KANSL1L: variants seen among roughly 807,000 people sequenced by gnomAD.
KANSL1L encodes KAT8 regulatory NSL complex subunit 1-like protein.
A neutral mutation model predicts 108.6 loss-of-function variants in KANSL1L; 25 were observed. That is an observed-to-expected ratio of 0.23 (90% CI 0.17 to 0.32). The LOEUF (loss-of-function observed/expected upper bound fraction) is 0.32. Ranked by LOEUF, KANSL1L falls within the 10% of genes least tolerant of loss-of-function variation. The pLI is 1.00. For synonymous variants in KANSL1L, 405 were observed against 395.1 expected, an observed-to-expected ratio of 1.03 and a Z score of -0.30; for missense variants, 1,137 against 1,125.7, an observed-to-expected ratio of 1.01 and a Z score of -0.14.
In KANSL1L at chr2:210,153,513, A is replaced by C. The variant is rs763465430; in HGVS notation, c.1070T>G (p.Leu357Arg). 6.2e-6 allele frequency: 10 copies of C among 1,613,596 alleles called. No homozygotes were observed. The highest frequency in any genetic ancestry group is 8.5e-6 in the Non-Finnish European group (10 of 1,179,880). ...CACTTACACTGCCACATTTTTTCTA[A>C]GGGTATATTCATCCAAATCGTCATC... is the stretch of plus-strand genomic sequence containing the variant. ...SSDDDLDEYT[L>R]RKNVAVNCST... The change falls in exon 2 of 15, where the codon CTT becomes CGT. Residue 357 changes from leucine (L) to arginine (R), a missense_variant. By Grantham distance (102) the Leu-to-Arg change is moderately radical. Around this residue, in one of 3 missense-constraint regions of KANSL1L, gnomAD observed 556 missense variants for 537.7 expected, o/e 1.03. Transcript: ENST00000281772.
intron 3 of KANSL1L, among the ~76,000 whole-genome samples, chr2:210,112,094 T>C (rs1436908716): frequency 6.6e-6 from 1 of 152,176 alleles, no homozygotes; most frequent in East Asian, 1.9e-4. Flanking sequence ...TAGTATTCCA[T>C]GGTGTATATG....
At chr2:210,108,601 T>C (rs2094873858) in intron 3 of KANSL1L, among the ~76,000 whole-genome samples, 1 of 152,218 alleles carries the variant, frequency 6.6e-6, no homozygotes, top group Non-Finnish European at 1.5e-5. Flanking sequence ...TGACTCATTC[T>C]TAGAACTCTA....
At chr2:210,154,706 G>T in intron 1 of KANSL1L, 95 bp from the exon 2 acceptor site, 1 of 596,144 alleles carries the variant, frequency 1.7e-6, no homozygotes, top group Non-Finnish European at 2.6e-6. Flanking sequence ...TTTCTGATTA[G>T]AACATGAAGG....
In KANSL1L at chr2:210,024,206, C is replaced by A; in HGVS notation, c.2565-5G>T. The A allele has an allele frequency of 6.5e-7, 1 of 1,547,306 alleles. No homozygotes were observed. Among genetic ancestry groups the A allele is most frequent in the Non-Finnish European group, 8.7e-7 (1 of 1,147,904 alleles). The stretch of plus-strand genomic sequence containing the variant: ...TCAACATTTTTACTGTAAGCTCTAG[C>A]AAGAAAATCAGGAAAACACAATTAT... On this transcript the variant is annotated splice_region_variant and splice_polypyrimidine_tract_variant and intron_variant, in intron 13 of 14. Transcript: ENST00000281772.
intron 14 of KANSL1L, 96 bp from the exon 15 acceptor site, chr2:210,023,275 G>A (rs986258237): frequency 6.0e-6 from 5 of 829,906 alleles, no homozygotes; most frequent in Middle Eastern, 2.3e-4. Context: ...TGTAATAATT[G>A]TTCTGTTCTT....
chr2:210,102,618 G>A (rs1057366479), intron 4 of KANSL1L, among the ~76,000 whole-genome samples: 8 of 151,774 alleles, frequency 5.3e-5, no homozygotes, highest in Admixed American at 2.6e-4. Flanking sequence ...ACAAATTTAC[G>A]AGAAAAAAAC....
intron 4 of KANSL1L, among the ~76,000 whole-genome samples, chr2:210,101,016 A>T (rs1575530122): frequency 6.6e-6 from 1 of 152,368 alleles, no homozygotes; most frequent in South Asian, 2.1e-4. Context: ...AGAACAAATG[A>T]CTTGTTCATA....
intron 11 of KANSL1L, chr2:210,028,643 T>G (rs2093971782): frequency 2.3e-6 from 1 of 442,166 alleles, no homozygotes; most frequent in Admixed American, 4.3e-5. Flanking sequence ...AATTCCTAAA[T>G]CTTAATAAAA....
chr2:210,068,423 A>G (rs1445253251), intron 6 of KANSL1L, among the ~76,000 whole-genome samples: 1 of 152,102 alleles, frequency 6.6e-6, no homozygotes, highest in Non-Finnish European at 1.5e-5. Context: ...TATTGTCTTA[A>G]TGCTGTCTTT....
rs75403459 is a variant in KANSL1L at position 210,119,182 on chromosome 2, C to T, written c.1230+9849G>A. 7.9e-3 allele frequency among the ~76,000 whole-genome samples: 1,165 copies of T among 148,058 alleles called. 17 individuals carry two copies. Among genetic ancestry groups the T allele is most frequent in the African/African-American group, 0.027 (1,088 of 40,116 alleles). The stretch of plus-strand genomic sequence containing the variant: ...CTGGTGACAGAGCGAGGCTCCGTCT[C>T]GAAAAAAAAGAAAAAAAAGAAAAAA... On this transcript the variant is annotated intron_variant, in intron 3 of 14. Coordinates refer to ENST00000281772, the MANE Select transcript of KANSL1L (RefSeq NM_152519.4).
At position 210,171,295 on chromosome 2, in the gene KANSL1L, G is replaced by GGCCGCCGCCGCCGCCGCC. The variant is rs66917529; in HGVS notation, c.-194_-177dup. ...CCAGAGCGCGCCCCGCTCCCGCCCC[G>GGCCGCCGCCGCCGCCGCC]GCCGCCGCCGCCGCCGCCGCCGCCG... On this transcript the variant is annotated 5_prime_UTR_variant, in exon 1 of 15. Coordinates refer to ENST00000281772, the MANE Select transcript of KANSL1L (RefSeq NM_152519.4). 4.8e-5 allele frequency: 8 copies of GGCCGCCGCCGCCGCCGCC among 168,070 alleles called. No homozygotes were observed. Among genetic ancestry groups the GGCCGCCGCCGCCGCCGCC allele is most frequent in the African/African-American group, 1.7e-4 (7 of 40,884 alleles). 10.4% of individuals were successfully genotyped at this position (168,070 alleles called of 1,614,324 possible).
chr2:210,110,833 T>C (rs981164952), intron 3 of KANSL1L, among the ~76,000 whole-genome samples: 4 of 152,144 alleles, frequency 2.6e-5, no homozygotes, highest in African/African-American at 9.7e-5. Flanking sequence ...TGCAGTGGCT[T>C]ATACCTGTAA....
At chr2:210,112,786 A>G (rs1242762628) in intron 3 of KANSL1L, among the ~76,000 whole-genome samples, 2 of 152,172 alleles carry the variant, frequency 1.3e-5, no homozygotes, top group African/African-American at 4.8e-5. Context: ...GGAATCTGTC[A>G]CCCCACCTAG....
intron 8 of KANSL1L, among the ~76,000 whole-genome samples, chr2:210,036,208 G>C (rs2094101418): frequency 6.6e-6 from 1 of 152,012 alleles, no homozygotes; most frequent in South Asian, 2.1e-4. Context: ...TTAAGATAGA[G>C]TCTCACTCTG....
rs188057305 is a variant in KANSL1L, at chr2:210,070,472, C to T, written c.1755+5080G>A. ...GTCTAGATCTCCTGACCTCGTGATC[C>T]GCCCGCCTCGGCCTCCCAAAGTGCT... is the stretch of plus-strand genomic sequence containing the variant. On this transcript the variant is annotated intron_variant, in intron 6 of 14. Coordinates refer to ENST00000281772, the MANE Select transcript of KANSL1L (RefSeq NM_152519.4). Among the ~76,000 whole-genome samples the T allele has an allele frequency of 1.6e-3, 236 of 151,906 alleles. 2 individuals are homozygous for T. The highest frequency in any genetic ancestry group is 5.4e-3 in the African/African-American group (225 of 41,438).
chr2:210,103,574 C>T (rs995860004), intron 4 of KANSL1L, among the ~76,000 whole-genome samples: 2 of 151,946 alleles, frequency 1.3e-5, no homozygotes, highest in Non-Finnish European at 2.9e-5. Context: ...ATAGACTGGC[C>T]AGAATAATTA....
At chr2:210,089,877 C>T (rs568017269) in intron 5 of KANSL1L, among the ~76,000 whole-genome samples, 8 of 152,090 alleles carry the variant, frequency 5.3e-5, no homozygotes, top group South Asian at 2.1e-4. Flanking sequence ...CAAGAGATGA[C>T]GGAAAAATAG....
At chr2:210,087,302 AGCCATCATGCCTG>A (rs1051249022) in intron 5 of KANSL1L, among the ~76,000 whole-genome samples, 51 of 152,268 alleles carry the variant, frequency 3.3e-4, no homozygotes, top group African/African-American at 1.2e-3. Context: ...AACAGGCATG[AGCCATCATGCCTG>A]GCCATCCTCT....
intron 10 of KANSL1L, chr2:210,029,198 C>T (rs1419028149): frequency 2.6e-6 from 1 of 384,344 alleles, no homozygotes; most frequent in Non-Finnish European, 4.6e-6. Context: ...TTTATGTGTG[C>T]AAGCATACAA....
Sources: allele counts gnomAD v4.1 joint callset (sites outside exome capture counted in the v4.1 genomes callset), GRCh38; gene constraint gnomAD v4.1.1; regional missense constraint gnomAD v4.1.1; transcripts MANE v1.5; gene names NCBI Gene and HGNC (gene_info 2026-07-23, HGNC 2026-07-21).